The following SYNPO2 variants were observed in gnomAD, a reference collection of about 807,000 sequenced individuals.
SYNPO2 encodes synaptopodin-2.
SYNPO2 carries 56 observed loss-of-function variants against 85.0 expected under a neutral mutation model. The ratio of observed to expected loss-of-function variants is 0.66; its 90% confidence interval spans 0.53 to 0.82. The LOEUF (loss-of-function observed/expected upper bound fraction) is 0.82. Ranked by LOEUF, SYNPO2 falls within the 40% of genes least tolerant of loss-of-function variation. SYNPO2 has a pLI of 0.00. For synonymous variants in SYNPO2, 602 were observed against 591.1 expected (o/e 1.02, Z -0.27); for missense variants, 1,575 against 1,534.2 (o/e 1.03, Z -0.44).
At chr4:119,032,086 T>G in intron 4 of SYNPO2, 59 bp downstream of exon 4, 1 of 1,583,722 alleles carries the variant, frequency 6.3e-7, no homozygotes. Flanking sequence ...GTGTCCACTT[T>G]GCTTGAAATG....
chr4:118,898,783 A>T (rs1352095200), intron 1 of SYNPO2, among the ~76,000 whole-genome samples: 1 of 152,126 alleles, frequency 6.6e-6, no homozygotes, highest in East Asian at 1.9e-4. Context: ...GATGCTGACA[A>T]ACTGTCCAGC....
chr4:119,034,236 A>G, intron 4 of SYNPO2: 2 of 985,466 alleles, frequency 2.0e-6, no homozygotes, highest in Non-Finnish European at 2.4e-6. Flanking sequence ...ATAGCTTTGC[A>G]TTCTTAACAT....
At chr4:119,056,557 A>G (rs1487069168) in intron 4 of SYNPO2, among the ~76,000 whole-genome samples, 4 of 152,162 alleles carry the variant, frequency 2.6e-5, no homozygotes, top group African/African-American at 7.2e-5. Flanking sequence ...CCCCAACTCT[A>G]TATAATAATA....
intron 1 of SYNPO2, among the ~76,000 whole-genome samples, chr4:118,983,273 T>G (rs998313789): frequency 3.3e-5 from 5 of 152,172 alleles, no homozygotes; most frequent in African/African-American, 1.2e-4. Context: ...TCCTCTGTAC[T>G]TAATGGGGAA....
At chr4:118,981,574 G>T (rs1441086327) in intron 1 of SYNPO2, among the ~76,000 whole-genome samples, 1 of 152,146 alleles carries the variant, frequency 6.6e-6, no homozygotes, top group African/African-American at 2.4e-5. Context: ...TACAATGTAT[G>T]CCCTTAATTA....
At chr4:118,985,352 C>G (rs188590507) in intron 1 of SYNPO2, among the ~76,000 whole-genome samples, 2 of 152,344 alleles carry the variant, frequency 1.3e-5, no homozygotes, top group Admixed American at 6.5e-5. Flanking sequence ...CCGTCTGTCT[C>G]TCCTTTCAGA....
At chr4:118,860,757 A>G (rs1002795621) in intron 1 of SYNPO2, among the ~76,000 whole-genome samples, 5 of 151,914 alleles carry the variant, frequency 3.3e-5, no homozygotes, top group Admixed American at 1.3e-4. Flanking sequence ...GAATTTCACC[A>G]TGTTGGTCAG....
rs151101308 is a variant in SYNPO2, at chr4:118,904,744, C to T, written c.105+15603C>T. ...CAACTCCTTGGAGTTTTTAGCTTTT[C>T]AAACAGTGGTGAGTTATTTTCATCA... On this transcript the variant is annotated intron_variant, in intron 1 of 4. Transcript: ENST00000307142. Among the ~76,000 whole-genome samples the T allele has an allele frequency of 7.8e-3, 1,184 of 152,074 alleles. 8 individuals carry two copies. Among genetic ancestry groups the T allele is most frequent in the Non-Finnish European group, 0.013 (880 of 67,992 alleles).
At chr4:118,945,016 C>T (rs1245415502) in intron 1 of SYNPO2, among the ~76,000 whole-genome samples, 2 of 152,184 alleles carry the variant, frequency 1.3e-5, no homozygotes, top group African/African-American at 4.8e-5. Context: ...CTTAATAAAA[C>T]TTGAAACATG....
At chr4:118,898,226 G>A (rs1181332491) in intron 1 of SYNPO2, among the ~76,000 whole-genome samples, 2 of 152,106 alleles carry the variant, frequency 1.3e-5, no homozygotes, top group Non-Finnish European at 2.9e-5. Flanking sequence ...AATCCAATGT[G>A]TTTTGCTGGC....
At position 119,057,536 on chromosome 4, in the gene SYNPO2, A is replaced by G. The variant is rs751444032; in HGVS notation, c.3388A>G (p.Thr1130Ala). Residue 1130 changes from threonine to alanine, a missense_variant, in exon 5 of 5, where the codon ACT becomes GCT. By Grantham distance (58) the Thr-to-Ala change is moderately conservative. This residue lies in a region of SYNPO2 where 1,508 missense variants were observed against 1,446.8 expected (regional missense o/e 1.04). Transcript: ENST00000307142. ...ACTAGAGAAAGCAAACAAGAGACCA[A>G]CTCCTTGGGAAGCAGCAGCAAAGTC... ...DGLEKANKRP[T>A]PWEAAAKSPL... is the part of the protein sequence containing the mutation. 5 of 1,613,688 alleles carry G rather than the reference A, an allele frequency of 3.1e-6. No homozygotes were observed. The highest frequency in any genetic ancestry group is 4.2e-6 in the Non-Finnish European group (5 of 1,179,960).
At chr4:119,036,330 T>G in intron 4 of SYNPO2, 1 of 985,324 alleles carries the variant, frequency 1.0e-6, no homozygotes, top group Non-Finnish European at 1.2e-6. Context: ...AAAAAATATA[T>G]AAATTCTAAG....
chr4:118,872,095 C>T (rs1731813649), intron 1 of SYNPO2, among the ~76,000 whole-genome samples: 1 of 152,112 alleles, frequency 6.6e-6, no homozygotes, highest in Non-Finnish European at 1.5e-5. Context: ...AATGCATTAG[C>T]ATTATTTATT....
At chr4:118,978,210 G>A (rs1735864077) in intron 1 of SYNPO2, among the ~76,000 whole-genome samples, 1 of 152,178 alleles carries the variant, frequency 6.6e-6, no homozygotes, top group African/African-American at 2.4e-5. Context: ...AATGAGCCAA[G>A]TCACATCTTT....
At chr4:118,933,481 T>C (rs917788731) in intron 1 of SYNPO2, among the ~76,000 whole-genome samples, 13 of 152,340 alleles carry the variant, frequency 8.5e-5, no homozygotes, top group Non-Finnish European at 1.8e-4. Flanking sequence ...AGTTCTATCC[T>C]GGAGGCAAGG....
chr4:118,977,690 A>G (rs1382745540), intron 1 of SYNPO2, among the ~76,000 whole-genome samples: 1 of 152,252 alleles, frequency 6.6e-6, no homozygotes, highest in Non-Finnish European at 1.5e-5. Flanking sequence ...GCTAGAAATC[A>G]GACATGTCTG....
chr4:118,919,451 T>A (rs1733462471), intron 1 of SYNPO2, among the ~76,000 whole-genome samples: 1 of 152,160 alleles, frequency 6.6e-6, no homozygotes, highest in African/African-American at 2.4e-5. Context: ...CTTTTAAAGC[T>A]GTTTTGATGT....
At chr4:118,925,412 T>A (rs1035380033) in intron 1 of SYNPO2, among the ~76,000 whole-genome samples, 1 of 152,090 alleles carries the variant, frequency 6.6e-6, no homozygotes, top group African/African-American at 2.4e-5. Flanking sequence ...TTTTTTTTTC[T>A]ACCTCCAAAT....
intron 4 of SYNPO2, chr4:119,038,377 A>G: frequency 1.0e-6 from 1 of 984,974 alleles, no homozygotes; most frequent in Non-Finnish European, 1.2e-6. Flanking sequence ...AGTAAAAAAA[A>G]AAAATGAAAT....
Sources: allele counts gnomAD v4.1 joint callset (sites outside exome capture counted in the v4.1 genomes callset), GRCh38; gene constraint gnomAD v4.1.1; regional missense constraint gnomAD v4.1.1; transcripts MANE v1.5; gene names NCBI Gene and HGNC (gene_info 2026-07-23, HGNC 2026-07-21).